SUPT3H: variants seen among roughly 807,000 people sequenced by gnomAD.
SUPT3H encodes the protein SPT3 homolog, SAGA and STAGA complex component.
Under a neutral mutation model 44.3 loss-of-function variants are expected in SUPT3H, and 44 were observed. The ratio of observed to expected loss-of-function variants is 0.99; its 90% CI spans 0.78 to 1.28. The LOEUF is 1.28. Ranked by LOEUF, SUPT3H falls within the 50% of genes most tolerant of loss-of-function variation. The pLI, the probability that SUPT3H is intolerant of heterozygous loss-of-function variation, is 0.00. For synonymous variants in SUPT3H, 124 were observed against 125.6 expected, an observed-to-expected ratio of 0.99 and a Z score of 0.09; for missense variants, 380 against 387.1, an observed-to-expected ratio of 0.98 and a Z score of 0.15.
chr6:45,098,792 CTGT>C, intron 3 of SUPT3H: 1 of 521,932 alleles, frequency 1.9e-6, no homozygotes, highest in Admixed American at 2.0e-5. Context: ...AGATTGATTA[CTGT>C]TGTTCAGAGA....
chr6:45,226,923 C>G (rs1176788027), intron 2 of SUPT3H, among the ~76,000 whole-genome samples: 1 of 151,888 alleles, frequency 6.6e-6, no homozygotes. Context: ...TGGCTTGAGC[C>G]CTGTTCGAGG....
At chr6:45,160,090 G>A (rs1808688519) in intron 2 of SUPT3H, among the ~76,000 whole-genome samples, 1 of 152,164 alleles carries the variant, frequency 6.6e-6, no homozygotes, top group South Asian at 2.1e-4. Flanking sequence ...AGCATAGCAT[G>A]TACCTCTCAA....
intron 6 of SUPT3H, among the ~76,000 whole-genome samples, chr6:44,986,892 T>C (rs1292677302): frequency 6.6e-6 from 1 of 151,910 alleles, no homozygotes. Context: ...ATGAATAATA[T>C]AGTAGAGTAA....
At chr6:44,909,396 T>G (rs1051628308) in intron 10 of SUPT3H, among the ~76,000 whole-genome samples, 1 of 152,160 alleles carries the variant, frequency 6.6e-6, no homozygotes, top group African/African-American at 2.4e-5. Flanking sequence ...CTTATATATT[T>G]CATTTTCTAT....
chr6:45,299,985 A>G (rs1284002575), intron 2 of SUPT3H, among the ~76,000 whole-genome samples: 1 of 152,142 alleles, frequency 6.6e-6, no homozygotes, highest in Non-Finnish European at 1.5e-5. Context: ...ACACACAACA[A>G]AACATATCAA....
chr6:45,063,934 G>A (rs1245786710), intron 3 of SUPT3H, among the ~76,000 whole-genome samples: 17 of 100,336 alleles, frequency 1.7e-4, no homozygotes, highest in East Asian at 8.6e-4. Flanking sequence ...GCAGGCCAAC[G>A]TTCAGATTCA....
intron 3 of SUPT3H, among the ~76,000 whole-genome samples, chr6:45,035,972 G>A (rs970738639): frequency 2.0e-5 from 3 of 151,650 alleles, no homozygotes; most frequent in African/African-American, 4.8e-5. Flanking sequence ...TGAAAAAATC[G>A]GATTTTTCAA....
chr6:45,165,313 T>C (rs1478955039), intron 2 of SUPT3H, among the ~76,000 whole-genome samples: 3 of 152,182 alleles, frequency 2.0e-5, no homozygotes, highest in African/African-American at 7.2e-5. Flanking sequence ...TAAAAATGAA[T>C]GTAGCAACAC....
At chr6:45,064,332 C>A (rs1427294699) in intron 3 of SUPT3H, among the ~76,000 whole-genome samples, 1 of 147,528 alleles carries the variant, frequency 6.8e-6, no homozygotes, top group African/African-American at 2.5e-5. Context: ...AAAGGAACAA[C>A]TGGTACCAGC....
At position 45,020,558 on chromosome 6, in the gene SUPT3H, C is replaced by T. The variant is rs2153517833; in HGVS notation, c.261G>A (p.Met87Ile). The change falls in exon 4 of 11, where the codon ATG (methionine) becomes ATA (isoleucine). Residue 87 changes from methionine to isoleucine, a missense_variant. Physicochemically the swap from Met to Ile is conservative, Grantham distance 10 (BLOSUM62 1). Coordinates refer to ENST00000371459, the MANE Select transcript of SUPT3H (RefSeq NM_003599.4). ...VITPEDLLFLMRKDKKKLRRL... is the reference protein window; with the variant it reads ...VITPEDLLFLIRKDKKKLRRL... The stretch of plus-strand genomic sequence containing the variant: ...TATGTTATATTACCTTATCTTTGCG[C>T]ATCAAAAACAGAAGATCTTCAGGAG... The T allele has an allele frequency of 1.2e-6, 2 of 1,610,858 alleles. No homozygotes were observed. The highest frequency in any genetic ancestry group is 8.5e-7 in the Non-Finnish European group (1 of 1,177,874).
At chr6:44,819,997 C>T (rs1017810129) in intron 11 of SUPT3H, among the ~76,000 whole-genome samples, 4 of 151,846 alleles carry the variant, frequency 2.6e-5, no homozygotes, top group Admixed American at 1.3e-4. Flanking sequence ...ACAAGGTGGG[C>T]GGATCACTTG....
rs951736745 is a variant in SUPT3H at position 45,321,990 on chromosome 6, C to T, written c.101+43211G>A. On this transcript the variant is annotated intron_variant, in intron 2 of 10. Transcript: ENST00000371459. ...AATCATCAAGTAAAAAGTCTTGTGA[C>T]CTCCCAGTTCCCAAGAAGTTTTAAT... 7.3e-6 allele frequency: 5 copies of T among 683,152 alleles called. No homozygotes were observed. In the East Asian group the frequency reaches 1.2e-4, roughly 16 times the overall value. 42.3% of individuals were successfully genotyped at this position (683,152 alleles called of 1,614,324 possible).
At chr6:45,330,464 T>TC (rs1391548603) in intron 2 of SUPT3H, among the ~76,000 whole-genome samples, 1 of 151,996 alleles carries the variant, frequency 6.6e-6, no homozygotes, top group African/African-American at 2.4e-5. Flanking sequence ...AGTTACTCTT[T>TC]CACGTTATCA....
intron 2 of SUPT3H, among the ~76,000 whole-genome samples, chr6:45,177,943 C>T (rs201833755): frequency 0.013 from 1,971 of 152,126 alleles, 46 homozygotes; most frequent in African/African-American, 0.026. Context: ...AAGGAACAAC[C>T]GGTACCAGCT....
chr6:44,985,484 C>G (rs2153493044), intron 6 of SUPT3H, among the ~76,000 whole-genome samples: 2 of 152,162 alleles, frequency 1.3e-5, no homozygotes, highest in South Asian at 4.1e-4. Context: ...ACATCCTAAA[C>G]AAATCCATCT....
At chr6:45,153,964 G>C (rs1807371944) in intron 2 of SUPT3H, among the ~76,000 whole-genome samples, 1 of 151,108 alleles carries the variant, frequency 6.6e-6, no homozygotes, top group Non-Finnish European at 1.5e-5. Context: ...CAGCTACTCG[G>C]GAGGCTGAGG....
intron 3 of SUPT3H, among the ~76,000 whole-genome samples, chr6:45,068,380 G>T (rs1277535657): frequency 2.1e-5 from 3 of 145,598 alleles, no homozygotes; most frequent in Non-Finnish European, 4.5e-5. Flanking sequence ...GAGTTAGTGG[G>T]TGCAGCACAC....
In SUPT3H at chr6:45,014,855, G is replaced by A. The variant is rs138104597; in HGVS notation, c.310C>T (p.Arg104Ter). Residue 104 changes from arginine to a stop codon, truncating the protein, a stop_gained, in exon 5 of 11, where the codon CGA becomes TGA. Transcript: ENST00000371459. LOFTEE classifies it high-confidence loss of function. ...LRRLLKYMFI[R>*]DYKSKIVKGI... ...TTGACAATCTTTGATTTGTAGTCTC[G>A]GATAAACATGTATTTTAGCAGTCTT... 6.0e-5 allele frequency: 96 copies of A among 1,587,520 alleles called. No homozygotes were observed. Among genetic ancestry groups the A allele is most frequent in the Non-Finnish European group, 7.8e-5 (91 of 1,168,654 alleles).
chr6:44,847,223 A>G (rs1469626762), intron 10 of SUPT3H, among the ~76,000 whole-genome samples: 2 of 152,156 alleles, frequency 1.3e-5, no homozygotes, highest in Non-Finnish European at 2.9e-5. Context: ...TTGCTGATAC[A>G]GTTATTTTGT....
Sources: gnomAD v4.1 joint callset for allele counts (sites outside exome capture counted in the v4.1 genomes callset) on GRCh38, gnomAD v4.1.1 for gene constraint, MANE v1.5 for transcripts, NCBI Gene and HGNC (gene_info 2026-07-23, HGNC 2026-07-21) for gene names.